Variants in NRAP observed in about 807,000 individuals in gnomAD.
The protein encoded by NRAP is nebulin related anchoring protein, also known as nebulin-related-anchoring protein.
In NRAP, 189 loss-of-function variants were observed where a neutral mutation model predicts 225.9. The observed-to-expected ratio is 0.84, with a 90% CI of 0.74 to 0.94. The LOEUF is 0.94. Ranked by LOEUF, NRAP falls within the 40% of genes least tolerant of loss-of-function variation. The pLI, the probability that NRAP is intolerant of heterozygous loss-of-function variation, is 0.00. For missense variants in NRAP, 2,176 were observed against 2,168.7 expected, an observed-to-expected ratio of 1.00 and a Z score of -0.07; for synonymous variants, 769 against 790.7, an observed-to-expected ratio of 0.97 and a Z score of 0.46.
chr10:113,657,505 C>T lies in NRAP; in HGVS notation c.325G>A (p.Glu109Lys). 1 of 1,607,502 alleles carries T rather than the reference C, an allele frequency of 6.2e-7. No homozygotes were observed. The highest frequency in any genetic ancestry group is 8.5e-7 in the Non-Finnish European group (1 of 1,174,006). The change falls in exon 4 of 42, where the codon GAA (glutamate) becomes AAA (lysine). Residue 109 changes from glutamate (E) to lysine (K), a missense_variant. By Grantham distance (56) the Glu-to-Lys change is moderately conservative (BLOSUM62 1). This residue lies in a region of NRAP where 1,708 missense variants were observed against 1,695.5 expected (regional missense o/e 1.01). Coordinates refer to ENST00000359988, the MANE Select transcript of NRAP (RefSeq NM_198060.4). ...AGTGGCTGCCTGTTAGGTGCACCTT[C>T]CTTATCCTTGGATTTCATGTCCCAG... is the stretch of plus-strand genomic sequence containing the variant. ...FHWDMKSKDK[E>K]GAPNRQPLAN...
chr10:113,611,260 G>A (rs12260033), intron 30 of NRAP, among the ~76,000 whole-genome samples: 2,731 of 152,128 alleles, frequency 0.018, 71 homozygotes, highest in African/African-American at 0.063. Flanking sequence ...TCAGGTTCCT[G>A]ACAGTTTATG....
intron 20 of NRAP, 128 bp downstream of exon 20, chr10:113,628,789 A>G: frequency 1.6e-6 from 1 of 613,542 alleles, no homozygotes; most frequent in Admixed American, 3.0e-5. Flanking sequence ...TGTGAAATGA[A>G]GTACTCCCAC....
chr10:113,630,885 G>C (rs923118735), intron 18 of NRAP, among the ~76,000 whole-genome samples: 5 of 152,142 alleles, frequency 3.3e-5, no homozygotes, highest in Non-Finnish European at 5.9e-5. Flanking sequence ...GCAATCTTTT[G>C]TGTCTTTTTC....
At chr10:113,633,728 A>G (rs1361024511) in intron 15 of NRAP, among the ~76,000 whole-genome samples, 1 of 152,134 alleles carries the variant, frequency 6.6e-6, no homozygotes, top group Non-Finnish European at 1.5e-5. Context: ...AATTATATAA[A>G]CATGTTTTTT....
intron 37 of NRAP, among the ~76,000 whole-genome samples, chr10:113,596,408 G>A (rs535800750): frequency 2.9e-4 from 44 of 152,126 alleles, no homozygotes; most frequent in Non-Finnish European, 2.8e-4. Context: ...TGAACCAGTC[G>A]GTACAGTAGT....
chr10:113,607,187 C>A (rs187305162), intron 32 of NRAP, among the ~76,000 whole-genome samples: 1 of 150,912 alleles, frequency 6.6e-6, no homozygotes, highest in Non-Finnish European at 1.5e-5. Context: ...GGCGACAGAG[C>A]GTGACTCTGT....
At chr10:113,635,039 C>T (rs1263837501) in intron 14 of NRAP, among the ~76,000 whole-genome samples, 2 of 152,188 alleles carry the variant, frequency 1.3e-5, no homozygotes. Flanking sequence ...GAGGAGGAGG[C>T]AGAATCGTCA....
chr10:113,592,137 T>C (rs1846027629), intron 39 of NRAP, 57 bp downstream of exon 39: 19 of 1,127,226 alleles, frequency 1.7e-5, no homozygotes, highest in Non-Finnish European at 2.5e-5. Flanking sequence ...TCAACAGAAC[T>C]GGGAAAACCA....
chr10:113,629,999 A>G (rs1848494697), intron 18 of NRAP, among the ~76,000 whole-genome samples: 1 of 152,118 alleles, frequency 6.6e-6, no homozygotes, highest in East Asian at 1.9e-4. Flanking sequence ...TTCTGGGAGG[A>G]CTGTCTCTTG....
chr10:113,616,402 T>G lies in NRAP; in HGVS notation c.2974-586A>C, dbSNP rs143720497. On this transcript the variant is annotated intron_variant, in intron 26 of 41. Transcript: ENST00000359988. ...CCAAACAGGGTTTTTCCATCCCAAATCTTATCAGATGTATCCAAGTTTCTA... is the reference window on the plus strand; with the variant it reads ...CCAAACAGGGTTTTTCCATCCCAAAGCTTATCAGATGTATCCAAGTTTCTA... 1.1e-3 allele frequency among the ~76,000 whole-genome samples: 166 copies of G among 152,250 alleles called. 4 individuals carry two copies. In the East Asian group the frequency reaches 0.026, roughly 24 times the overall value.
At chr10:113,624,186 A>G (rs1848158547) in intron 22 of NRAP, among the ~76,000 whole-genome samples, 1 of 151,934 alleles carries the variant, frequency 6.6e-6, no homozygotes, top group African/African-American at 2.4e-5. Context: ...TCTCCTCCCA[A>G]TTCTCCTCCC....
rs1465884110 is a variant in NRAP at position 113,626,157 on chromosome 10, G to C, written c.2146-12C>G. On this transcript the variant is annotated splice_polypyrimidine_tract_variant and intron_variant, in intron 20 of 41. Coordinates refer to ENST00000359988, the MANE Select transcript of NRAP (RefSeq NM_198060.4). Reference sequence around the variant, plus strand: ...TGCCGGTAGTTTTTCTGTTTCCAAAGGAAAGGGACCCCACAGCATTAGGAT... The same window carrying C: ...TGCCGGTAGTTTTTCTGTTTCCAAACGAAAGGGACCCCACAGCATTAGGAT... 11 of 1,582,162 alleles carry C rather than the reference G, an allele frequency of 7.0e-6. No homozygotes were observed. The South Asian group carries it at 1.3e-4, about 18-fold the overall frequency.
intron 36 of NRAP, among the ~76,000 whole-genome samples, chr10:113,597,723 C>A (rs949451274): frequency 6.6e-6 from 1 of 152,166 alleles, no homozygotes; most frequent in Admixed American, 6.5e-5. Flanking sequence ...GTTTAGATAA[C>A]GATTGTACAA....
In NRAP at chr10:113,663,461, G is replaced by A; in HGVS notation, c.73-15C>T. 4 of 1,515,934 alleles carry A rather than the reference G, an allele frequency of 2.6e-6. No individual in the cohort carries two copies. The highest frequency in any genetic ancestry group is 1.7e-5 in the Admixed American group (1 of 59,810). 93.9% of individuals were successfully genotyped at this position (1,515,934 alleles called of 1,614,324 possible). A position where few individuals can be genotyped will look rare whatever the true frequency, so the allele number is the denominator to read the frequency against. ...TTATGCCATATCTAGAAATCATATA[G>A]AGAAGATTTAGCAATTACCCTTTTC... is the stretch of plus-strand genomic sequence containing the variant. On this transcript the variant is annotated splice_polypyrimidine_tract_variant and intron_variant, in intron 1 of 41. Coordinates refer to ENST00000359988, the MANE Select transcript of NRAP (RefSeq NM_198060.4).
intron 24 of NRAP, among the ~76,000 whole-genome samples, chr10:113,621,078 A>G (rs1173027856): frequency 1.3e-5 from 2 of 152,218 alleles, no homozygotes; most frequent in South Asian, 2.1e-4. Context: ...GAAAATGAGA[A>G]TTCACAACAG....
chr10:113,606,038 G>A (rs1846941424), intron 33 of NRAP, 140 bp downstream of exon 33: 2 of 782,592 alleles, frequency 2.6e-6, no homozygotes, highest in Admixed American at 4.1e-5. Flanking sequence ...TTGTGAGAAG[G>A]TGTATTTAAC....
At chr10:113,663,330 G>A in intron 2 of NRAP, 22 bp downstream of exon 2, 1 of 1,373,484 alleles carries the variant, frequency 7.3e-7, no homozygotes, top group Non-Finnish European at 1.0e-6. Context: ...AAGAGGTAGT[G>A]GTGGGGGCAT....
rs1056468320 is a variant in NRAP at position 113,631,494 on chromosome 10, T to G, written c.1842+15A>C. 1.3e-6 allele frequency: 2 copies of G among 1,530,632 alleles called. No individual in the cohort carries two copies. Among genetic ancestry groups the G allele is most frequent in the Admixed American group, 3.8e-5 (2 of 53,036 alleles). The allele number at this position is 1,530,632 out of a possible 1,614,324, so 94.8% of individuals were successfully genotyped here. On this transcript the variant is annotated intron_variant, in intron 18 of 41. Coordinates refer to ENST00000359988, the MANE Select transcript of NRAP (RefSeq NM_198060.4). ...CAACTGTAAGTGAGAGGTTGGGGGT[T>G]AGAAAAGAGTTTACCTCACTGCTCA...
chr10:113,650,343 G>T (rs1293463293), intron 8 of NRAP, 95 bp downstream of exon 8: 2 of 956,708 alleles, frequency 2.1e-6, no homozygotes, highest in South Asian at 1.3e-5. Flanking sequence ...CTGGCTTCAG[G>T]GTAAATGCAA....
Sources: gnomAD v4.1 joint callset for allele counts (sites outside exome capture counted in the v4.1 genomes callset) on GRCh38, gnomAD v4.1.1 for gene constraint, gnomAD v4.1.1 regional missense constraint, MANE v1.5 for transcripts, NCBI Gene and HGNC (gene_info 2026-07-23, HGNC 2026-07-21) for gene names.